BIRC2: variants seen among roughly 807,000 people sequenced by gnomAD.
The protein encoded by BIRC2 is baculoviral IAP repeat-containing protein 2.
A neutral mutation model predicts 60.9 loss-of-function variants in BIRC2; 18 were observed. The observed-to-expected ratio is 0.30, with a 90% CI of 0.20 to 0.44. The LOEUF (loss-of-function observed/expected upper bound fraction) is 0.44. Among genes scored for constraint, BIRC2 ranks in the 20% least tolerant of loss-of-function variants. The probability of loss-of-function intolerance (pLI) is 1.00; values close to 1 mark genes in which losing one functional copy is unlikely to be tolerated. For synonymous variants in BIRC2, 282 were observed against 247.7 expected (o/e 1.14, Z -1.30); for missense variants, 701 against 728.5 (o/e 0.96, Z 0.43).
rs373468213 is a variant in BIRC2, at chr11:102,350,083, G to A, written c.229G>A (p.Val77Met). 4.3e-6 allele frequency: 7 copies of A among 1,614,174 alleles called. No individual in the cohort carries two copies. Among genetic ancestry groups the A allele is most frequent in the Non-Finnish European group, 5.1e-6 (6 of 1,180,030 alleles). The change falls in exon 2 of 9, where the codon GTG becomes ATG. Residue 77 changes from valine (V) to methionine (M), a missense_variant. Coordinates refer to ENST00000227758, the MANE Select transcript of BIRC2 (RefSeq NM_001166.5). ...TCGTGCTGGTTTTTATTATACTGGTGTGAATGACAAGGTCAAATGCTTCTG... is the reference window on the plus strand; with the variant it reads ...TCGTGCTGGTTTTTATTATACTGGTATGAATGACAAGGTCAAATGCTTCTG... ...LARAGFYYTG[V>M]NDKVKCFCCG...
chr11:102,347,983 A>C (rs1241684920), intron 1 of BIRC2: 1 of 152,192 alleles, frequency 6.6e-6, no homozygotes, highest in East Asian at 1.9e-4. Context: ...ACCGGGTGTA[A>C]TTAAAGCAAT....
rs1351949904 is a variant in BIRC2, at chr11:102,377,860, A to G, written c.1625A>G (p.Asp542Gly). 6.2e-6 allele frequency: 10 copies of G among 1,608,276 alleles called. No individual in the cohort carries two copies. Among genetic ancestry groups the G allele is most frequent in the East Asian group, 2.2e-5 (1 of 44,868 alleles). ...TTTTTATGTTTTCTTTCCTCAGTGG[A>G]TAAGAATATGAAGTATATTCCAACA... ...DSTLYKNLFV[D>G]KNMKYIPTED... Residue 542 changes from aspartate (D) to glycine (G), a missense_variant, in exon 8 of 9, where the codon GAT becomes GGT. This residue lies in a region of BIRC2 where 235 missense variants were observed against 208.9 expected (regional missense o/e 1.12). Coordinates refer to ENST00000227758, the MANE Select transcript of BIRC2 (RefSeq NM_001166.5).
chr11:102,373,260 T>G (rs1322041141), intron 6 of BIRC2, among the ~76,000 whole-genome samples: 1 of 152,324 alleles, frequency 6.6e-6, no homozygotes, highest in Middle Eastern at 3.4e-3. Context: ...TTCTTCCTAG[T>G]CTCAATGGTC....
chr11:102,360,018 G>A (rs1028345171), intron 3 of BIRC2, among the ~76,000 whole-genome samples: 7 of 151,282 alleles, frequency 4.6e-5, no homozygotes, highest in African/African-American at 1.7e-4. Flanking sequence ...CCAGGCTGGA[G>A]TGCAGTGGCA....
chr11:102,348,175 T>C (rs1486493260), intron 1 of BIRC2: 1 of 152,274 alleles, frequency 6.6e-6, no homozygotes, highest in Non-Finnish European at 1.5e-5. Context: ...AGAGACTTGA[T>C]ATTACAAACT....
At chr11:102,351,543 A>C (rs1019357964) in intron 3 of BIRC2, among the ~76,000 whole-genome samples, 23 of 127,356 alleles carry the variant, frequency 1.8e-4, no homozygotes, top group African/African-American at 6.7e-4. Flanking sequence ...TGAGCTCAGG[A>C]GGCGGAGGCT....
intron 3 of BIRC2, among the ~76,000 whole-genome samples, chr11:102,357,091 G>A (rs1236536691): frequency 6.6e-6 from 1 of 152,120 alleles, no homozygotes; most frequent in Admixed American, 6.6e-5. Context: ...TCTTCTAGTA[G>A]GCTGCTGAAT....
At chr11:102,365,349 T>A (rs997870922) in intron 5 of BIRC2, among the ~76,000 whole-genome samples, 1 of 152,200 alleles carries the variant, frequency 6.6e-6, no homozygotes, top group Admixed American at 6.5e-5. Flanking sequence ...AAAATTTCCA[T>A]GAATGAATGT....
chr11:102,369,623 A>G (rs1434070162), intron 6 of BIRC2, among the ~76,000 whole-genome samples: 4 of 145,122 alleles, frequency 2.8e-5, no homozygotes, highest in Non-Finnish European at 6.1e-5. Context: ...CGCAATAAAC[A>G]TACGTGTGCA....
intron 6 of BIRC2, 72 bp downstream of exon 6, chr11:102,368,620 C>T: frequency 6.5e-7 from 1 of 1,540,662 alleles, no homozygotes; most frequent in Non-Finnish European, 8.7e-7. Context: ...TGTTACAGGA[C>T]ACCATGCTTG....
At chr11:102,371,381 TG>T (rs1375075035) in intron 6 of BIRC2, among the ~76,000 whole-genome samples, 1 of 74,932 alleles carries the variant, frequency 1.3e-5, no homozygotes, top group East Asian at 4.1e-4. Flanking sequence ...CATGAAGGGT[TG>T]TTGAATTTTG....
At position 102,378,312 on chromosome 11, in the gene BIRC2, T is replaced by C; in HGVS notation, c.*129T>C. On this transcript the variant is annotated 3_prime_UTR_variant, in exon 9 of 9. Transcript: ENST00000227758. ...GTAACATTCATGTTCTAGTCTGCTT[T>C]GGTACTAATAATCTTGTTTCTGAAA... 2 of 685,746 alleles carry C rather than the reference T, an allele frequency of 2.9e-6. No homozygotes were observed. Among genetic ancestry groups the C allele is most frequent in the Non-Finnish European group, 4.6e-6 (2 of 438,462 alleles). 42.5% of individuals were successfully genotyped at this position (685,746 alleles called of 1,614,324 possible).
Position 102,347,366 on chromosome 11 carries a change from C to G in BIRC2, c.-1268C>G, listed in dbSNP as rs1951303736. 1 of 152,314 alleles carries G rather than the reference C, an allele frequency of 6.6e-6. No homozygotes were observed. The highest frequency in any genetic ancestry group is 1.5e-5 in the Non-Finnish European group (1 of 68,106). The allele number at this position is 152,314 out of a possible 1,614,324, so 9.4% of individuals were successfully genotyped here. A position where few individuals can be genotyped will look rare whatever the true frequency, so the allele number is the denominator to read the frequency against. On this transcript the variant is annotated 5_prime_UTR_variant, in exon 1 of 9. Transcript: ENST00000227758. ...CCGCGCAGCTTCCGTGTTTGCTGCG[C>G]CCGCACTGCGGTGAGTGCTGCTCCT...
At chr11:102,373,425 G>A (rs1490627889) in intron 6 of BIRC2, among the ~76,000 whole-genome samples, 1 of 151,924 alleles carries the variant, frequency 6.6e-6, no homozygotes, top group Non-Finnish European at 1.5e-5. Context: ...CTTCACTTAT[G>A]AAGCTTAGTT....
chr11:102,374,763 A>G (rs1468452531), intron 6 of BIRC2, among the ~76,000 whole-genome samples: 2 of 152,032 alleles, frequency 1.3e-5, no homozygotes, highest in Non-Finnish European at 2.9e-5. Context: ...CCCCTCCCCC[A>G]GCCTCGCTGC....
In BIRC2 at chr11:102,378,260, A is replaced by C. The variant is rs1951736852; in HGVS notation, c.*77A>C. ...TGAACACTTGAAGCCATCTAAAGTA[A>C]AAAGGGAATTATGAGTTTTTCAATT... On this transcript the variant is annotated 3_prime_UTR_variant, in exon 9 of 9. Transcript: ENST00000227758. The C allele has an allele frequency of 8.6e-7, 1 of 1,163,340 alleles. No individual in the cohort carries two copies. The highest frequency in any genetic ancestry group is 1.2e-6 in the Non-Finnish European group (1 of 864,914). 72.1% of individuals were successfully genotyped at this position (1,163,340 alleles called of 1,614,324 possible).
intron 3 of BIRC2, among the ~76,000 whole-genome samples, chr11:102,358,779 C>G (rs772512712): frequency 2.6e-5 from 4 of 152,130 alleles, no homozygotes; most frequent in Non-Finnish European, 5.9e-5. Flanking sequence ...TCTGATAAAA[C>G]TTTAGCTTCC....
chr11:102,352,263 G>A (rs779775868), intron 3 of BIRC2, among the ~76,000 whole-genome samples: 1 of 151,692 alleles, frequency 6.6e-6, no homozygotes, highest in South Asian at 2.1e-4. Context: ...ACAGGCGCCC[G>A]CTGCCACGCC....
intron 3 of BIRC2, among the ~76,000 whole-genome samples, chr11:102,354,253 A>G (rs972416553): frequency 6.6e-6 from 1 of 152,180 alleles, no homozygotes; most frequent in Non-Finnish European, 1.5e-5. Flanking sequence ...TCTGTTGTCC[A>G]GGTTGGAGTG....
Sources: allele counts gnomAD v4.1 joint callset (sites outside exome capture counted in the v4.1 genomes callset), GRCh38; gene constraint gnomAD v4.1.1; regional missense constraint gnomAD v4.1.1; transcripts MANE v1.5; gene names NCBI Gene and HGNC (gene_info 2026-07-23, HGNC 2026-07-21).